Variants in NIPAL2 observed in about 807,000 individuals in gnomAD.
The protein encoded by NIPAL2 is NIPA like domain containing 2, also known as NIPA-like protein 2.
A neutral mutation model predicts 48.9 loss-of-function variants in NIPAL2; 43 were observed. The observed-to-expected ratio is 0.88, with a 90% CI of 0.69 to 1.13. NIPAL2 has a LOEUF of 1.13. Among genes scored for constraint, NIPAL2 ranks in the 50% most tolerant of loss-of-function variants. The pLI, the probability that NIPAL2 is intolerant of heterozygous loss-of-function variation, is 0.00. For missense variants in NIPAL2, 446 were observed against 461.4 expected (o/e 0.97, Z 0.31); for synonymous variants, 167 against 174.6 (o/e 0.96, Z 0.34).
chr8:98,232,583 T>C (rs965353931), intron 4 of NIPAL2, among the ~76,000 whole-genome samples: 1 of 152,226 alleles, frequency 6.6e-6, no homozygotes, highest in Non-Finnish European at 1.5e-5. Context: ...GTGAGGTATG[T>C]AATATTATCT....
chr8:98,216,471 A>C (rs1291704477), intron 5 of NIPAL2, among the ~76,000 whole-genome samples: 8 of 152,226 alleles, frequency 5.3e-5, no homozygotes, highest in Admixed American at 5.2e-4. Context: ...TTGCATTCAG[A>C]CAATAAAGCA....
intron 3 of NIPAL2, among the ~76,000 whole-genome samples, chr8:98,247,100 T>C (rs188693758): frequency 2.0e-5 from 3 of 152,352 alleles, no homozygotes; most frequent in Non-Finnish European, 2.9e-5. Flanking sequence ...AGGACAGGCT[T>C]ATAGACCTAT....
At chr8:98,255,431 C>T (rs954636393) in intron 1 of NIPAL2, among the ~76,000 whole-genome samples, 5 of 152,150 alleles carry the variant, frequency 3.3e-5, no homozygotes, top group African/African-American at 4.8e-5. Context: ...GAACCCTTTT[C>T]AGAATGCAAA....
intron 3 of NIPAL2, among the ~76,000 whole-genome samples, chr8:98,237,343 C>G (rs899405512): frequency 7.2e-5 from 11 of 152,108 alleles, no homozygotes; most frequent in African/African-American, 2.7e-4. Context: ...TAATCCACCG[C>G]AACCAGCCTT....
In NIPAL2 at chr8:98,254,082, G is replaced by A. The variant is rs1813744175; in HGVS notation, c.141C>T (p.His47=). The A allele has an allele frequency of 1.2e-6, 2 of 1,609,510 alleles. No individual in the cohort carries two copies. The highest frequency in any genetic ancestry group is 1.7e-6 in the Non-Finnish European group (2 of 1,177,184). Residue 47 remains histidine, a synonymous_variant, in exon 2 of 11, where the codon CAC becomes CAT. Transcript: ENST00000430223. The part of the protein sequence containing the change: ...SGDWYRRNQI[H]LFGVLLAILG... ...AAATAGCCAGCAAAACTCCAAAAAG[G>A]TGAATCTGTAAAAGAAAATGTTTTC...
At chr8:98,290,580 A>C (rs938194741) in intron 1 of NIPAL2, among the ~76,000 whole-genome samples, 1 of 152,230 alleles carries the variant, frequency 6.6e-6, no homozygotes, top group African/African-American at 2.4e-5. Context: ...TTTACCAATA[A>C]GGAAACTGAC....
chr8:98,251,235 T>A (rs917682249), intron 3 of NIPAL2, among the ~76,000 whole-genome samples: 44 of 152,050 alleles, frequency 2.9e-4, no homozygotes, highest in African/African-American at 1.0e-3. Flanking sequence ...TGACATACAC[T>A]GTCATTATGG....
intron 4 of NIPAL2, among the ~76,000 whole-genome samples, chr8:98,232,902 G>A (rs1333202309): frequency 1.3e-5 from 2 of 152,174 alleles, no homozygotes; most frequent in Non-Finnish European, 2.9e-5. Context: ...GATAATCCAT[G>A]CAAAACACTT....
chr8:98,209,467 A>AAAAAAAAAG (rs1811206062), intron 6 of NIPAL2, among the ~76,000 whole-genome samples: 1 of 150,732 alleles, frequency 6.6e-6, no homozygotes, highest in Non-Finnish European at 1.5e-5. Flanking sequence ...AAAAAAAAAA[A>AAAAAAAAAG]ATTAGCCAGG....
intron 4 of NIPAL2, among the ~76,000 whole-genome samples, chr8:98,226,328 G>T (rs564179004): frequency 2.0e-5 from 3 of 152,038 alleles, no homozygotes; most frequent in Non-Finnish European, 2.9e-5. Context: ...TGTAGTCTTT[G>T]CAGTCAGGGC....
At chr8:98,206,326 A>ATATATATATG (rs778830626) in intron 6 of NIPAL2, among the ~76,000 whole-genome samples, 9,208 of 151,092 alleles carry the variant, frequency 0.061, 297 homozygotes, top group Middle Eastern at 0.11. Flanking sequence ...GTATATATAT[A>ATATATATATG]TATGTATGTA....
chr8:98,202,277 G>C (rs1810838464), intron 8 of NIPAL2, among the ~76,000 whole-genome samples: 1 of 152,226 alleles, frequency 6.6e-6, no homozygotes, highest in African/African-American at 2.4e-5. Context: ...TGATCGAGCT[G>C]GTGAGGGGCA....
intron 8 of NIPAL2, among the ~76,000 whole-genome samples, chr8:98,197,120 A>G (rs1307636534): frequency 6.6e-6 from 1 of 150,958 alleles, no homozygotes; most frequent in African/African-American, 2.4e-5. Flanking sequence ...TAAAGCAGCA[A>G]TGTACTTCTT....
At chr8:98,288,833 A>G (rs887994827) in intron 1 of NIPAL2, among the ~76,000 whole-genome samples, 2 of 152,196 alleles carry the variant, frequency 1.3e-5, no homozygotes, top group Non-Finnish European at 2.9e-5. Flanking sequence ...TCATACGGGA[A>G]ATATCCAGAT....
intron 6 of NIPAL2, among the ~76,000 whole-genome samples, chr8:98,208,007 A>G (rs1166262610): frequency 2.0e-5 from 3 of 151,982 alleles, no homozygotes; most frequent in East Asian, 3.9e-4. Flanking sequence ...CACTCTGCCT[A>G]TTTCCTTAGG....
intron 1 of NIPAL2, among the ~76,000 whole-genome samples, chr8:98,262,720 G>C (rs1263490844): frequency 6.6e-6 from 1 of 151,096 alleles, no homozygotes; most frequent in Admixed American, 6.6e-5. Context: ...ACAGATCAAC[G>C]AGACAGAAAG....
chr8:98,280,835 A>T (rs1275676067), intron 1 of NIPAL2, among the ~76,000 whole-genome samples: 1 of 147,850 alleles, frequency 6.8e-6, no homozygotes, highest in Non-Finnish European at 1.5e-5. Context: ...CAATTGGTGA[A>T]TCTCCAGGTG....
At chr8:98,246,343 T>C (rs1315147231) in intron 3 of NIPAL2, among the ~76,000 whole-genome samples, 1 of 152,190 alleles carries the variant, frequency 6.6e-6, no homozygotes, top group African/African-American at 2.4e-5. Flanking sequence ...AAAACCAGCA[T>C]ATTGGGGAAA....
At chr8:98,290,833 G>A (rs2130925503) in intron 1 of NIPAL2, among the ~76,000 whole-genome samples, 1 of 152,282 alleles carries the variant, frequency 6.6e-6, no homozygotes, top group South Asian at 2.1e-4. Context: ...TTAAACATGA[G>A]ATCCAGCTCA....
Sources: gnomAD v4.1 joint callset for allele counts (sites outside exome capture counted in the v4.1 genomes callset) on GRCh38, gnomAD v4.1.1 for gene constraint, MANE v1.5 for transcripts, NCBI Gene and HGNC (gene_info 2026-07-23, HGNC 2026-07-21) for gene names.